The following HIRA variants were observed in gnomAD, a reference collection of about 807,000 sequenced individuals.
HIRA encodes histone cell cycle regulator.
A neutral mutation model predicts 126.6 loss-of-function variants in HIRA; 13 were observed. That is an observed-to-expected ratio of 0.10 (90% CI 0.07 to 0.16). The LOEUF (loss-of-function observed/expected upper bound fraction) is 0.16. HIRA is among the 10% of genes least tolerant of loss of function. The probability of loss-of-function intolerance (pLI) is 1.00; values close to 1 mark genes in which losing one functional copy is unlikely to be tolerated. For missense variants in HIRA, 834 were observed against 1,314.4 expected (o/e 0.63, Z 5.65); for synonymous variants, 511 against 520.0 (o/e 0.98, Z 0.24).
At chr22:19,344,742 A>G (rs2088667804) in intron 24 of HIRA, among the ~76,000 whole-genome samples, 1 of 152,344 alleles carries the variant, frequency 6.6e-6, no homozygotes, top group Non-Finnish European at 1.5e-5. Context: ...ACAAAATGCC[A>G]GCAAACAGAA....
chr22:19,353,237 T>C, intron 23 of HIRA, 119 bp downstream of exon 23: 2 of 1,243,672 alleles, frequency 1.6e-6, no homozygotes, highest in South Asian at 2.6e-5. Flanking sequence ...CAGCTCAGGC[T>C]GGGAGGTAGA....
At chr22:19,424,398 A>T (rs1249375681) in intron 1 of HIRA, among the ~76,000 whole-genome samples, 1 of 152,174 alleles carries the variant, frequency 6.6e-6, no homozygotes, top group Non-Finnish European at 1.5e-5. Context: ...GATACCCCAC[A>T]ACCAGAGAAC....
intron 24 of HIRA, among the ~76,000 whole-genome samples, chr22:19,334,692 G>A (rs1184547134): frequency 2.0e-5 from 3 of 151,988 alleles, no homozygotes; most frequent in African/African-American, 7.2e-5. Flanking sequence ...AAAGTGCTGG[G>A]ATTAAGGCAT....
intron 12 of HIRA, among the ~76,000 whole-genome samples, chr22:19,384,564 C>T (rs1433716904): frequency 2.6e-5 from 4 of 151,996 alleles, no homozygotes; most frequent in Admixed American, 6.5e-5. Flanking sequence ...CTGGCCGCCT[C>T]GCACAACAGC....
Position 19,384,406 on chromosome 22 carries a change from G to A in HIRA, c.1330-701C>T, listed in dbSNP as rs911389660. Among the ~76,000 whole-genome samples, 4 of 150,776 alleles carry A rather than the reference G, an allele frequency of 2.7e-5. No homozygotes were observed. In the East Asian group the frequency reaches 7.8e-4, roughly 29 times the overall value. On this transcript the variant is annotated intron_variant, in intron 12 of 24. Coordinates refer to ENST00000263208, the MANE Select transcript of HIRA (RefSeq NM_003325.4). ...CTTATCATTAATTTGTACACACTAA[G>A]TATGTATAACTTTTTATATGTCAAT...
At chr22:19,360,721 G>A (rs1601817062) in intron 17 of HIRA, among the ~76,000 whole-genome samples, 1 of 152,224 alleles carries the variant, frequency 6.6e-6, no homozygotes, top group East Asian at 1.9e-4. Flanking sequence ...AGGGCTCTGG[G>A]TATAAAGGAT....
chr22:19,340,237 G>A (rs1381950241), intron 24 of HIRA, among the ~76,000 whole-genome samples: 4 of 151,912 alleles, frequency 2.6e-5, no homozygotes, highest in Non-Finnish European at 5.9e-5. Context: ...CAATAAATGA[G>A]ATACATCACA....
chr22:19,383,643 G>C lies in HIRA; in HGVS notation c.1392C>G (p.Leu464=). Residue 464 remains leucine (L), a synonymous_variant, in exon 13 of 25, where the codon CTC becomes CTG. Transcript: ENST00000263208. The part of the protein sequence containing the change: ...TADGRRRITP[L]CIAQLDTGDF... The stretch of plus-strand genomic sequence containing the variant: ...ACCCAGTGTCCAGCTGTGCTATGCA[G>C]AGAGGCGTGATTCTTCTCCGGCCAT... The C allele has an allele frequency of 6.2e-7, 1 of 1,614,006 alleles. No homozygotes were observed. Among genetic ancestry groups the C allele is most frequent in the South Asian group, 1.1e-5 (1 of 91,084 alleles).
At chr22:19,344,866 A>G (rs1556008461) in intron 24 of HIRA, among the ~76,000 whole-genome samples, 1 of 152,236 alleles carries the variant, frequency 6.6e-6, no homozygotes, top group East Asian at 1.9e-4. Context: ...CATTAATGAA[A>G]TAAAAGAAAA....
At chr22:19,379,824 T>C (rs1159066160) in intron 13 of HIRA, among the ~76,000 whole-genome samples, 1 of 152,120 alleles carries the variant, frequency 6.6e-6, no homozygotes, top group Non-Finnish European at 1.5e-5. Flanking sequence ...TGGCCTTTTT[T>C]TTTGAGACGA....
intron 7 of HIRA, 83 bp from the exon 8 acceptor site, chr22:19,394,592 C>T (rs1569305837): frequency 1.5e-6 from 2 of 1,377,686 alleles, no homozygotes; most frequent in East Asian, 2.3e-5. Context: ...AGTTAAACTT[C>T]AATTTATAAA....
At position 19,351,786 on chromosome 22, in the gene HIRA, A is replaced by T. The variant is rs2088760551; in HGVS notation, c.2849-340T>A. Among the ~76,000 whole-genome samples, 1 of 152,084 alleles carries T rather than the reference A, an allele frequency of 6.6e-6. No homozygotes were observed. Among genetic ancestry groups the T allele is most frequent in the Non-Finnish European group, 1.5e-5 (1 of 68,022 alleles). Reference sequence around the variant, plus strand: ...ATATGGGAAATTGTGGGCTGGTGAGATCTGTCTTTGAGAAGATGCGCTGGC... The same window carrying T: ...ATATGGGAAATTGTGGGCTGGTGAGTTCTGTCTTTGAGAAGATGCGCTGGC... On this transcript the variant is annotated intron_variant, in intron 23 of 24. Coordinates refer to ENST00000263208, the MANE Select transcript of HIRA (RefSeq NM_003325.4). The surrounding 1 kb of genome is among the most constrained non-coding windows in gnomAD (Gnocchi z 4.8).
rs1394410252 is a variant in HIRA at position 19,351,682 on chromosome 22, T to C, written c.2849-236A>G. Among the ~76,000 whole-genome samples the C allele has an allele frequency of 6.6e-6, 1 of 152,178 alleles. No individual in the cohort carries two copies. Among genetic ancestry groups the C allele is most frequent in the Non-Finnish European group, 1.5e-5 (1 of 68,026 alleles). ...TTGCTCACTCCCCTGACATCTGTAG[T>C]GCCTCCTCTGTGTGTTGGGCCCAGA... On this transcript the variant is annotated intron_variant, in intron 23 of 24. Transcript: ENST00000263208. The surrounding 1 kb of genome is among the most constrained non-coding windows in gnomAD (Gnocchi z 4.8).
At chr22:19,402,733 T>G (rs1165032165) in intron 5 of HIRA, among the ~76,000 whole-genome samples, 2 of 152,204 alleles carry the variant, frequency 1.3e-5, no homozygotes, top group East Asian at 3.8e-4. Context: ...TTTCTTGATA[T>G]AAACCGCAAC....
chr22:19,367,298 G>A (rs745637992), intron 15 of HIRA, among the ~76,000 whole-genome samples: 4 of 151,926 alleles, frequency 2.6e-5, no homozygotes, highest in Non-Finnish European at 5.9e-5. Flanking sequence ...CAAAATCCAA[G>A]GATGCTCAAG....
Position 19,351,118 on chromosome 22 carries a change from G to T in HIRA, c.2937+240C>A. On this transcript the variant is annotated intron_variant, in intron 24 of 24. Coordinates refer to ENST00000263208, the MANE Select transcript of HIRA (RefSeq NM_003325.4). The surrounding 1 kb of genome is among the most constrained non-coding windows in gnomAD (Gnocchi z 4.8). ...ACCAAGCCCAGAGCCCCTGCAGGCA[G>T]CCTCCCTCAGCACAGGCACGTGGCG... The T allele has an allele frequency of 1.0e-6, 1 of 985,186 alleles. No homozygotes were observed. The highest frequency in any genetic ancestry group is 1.2e-6 in the Non-Finnish European group (1 of 829,794). 61.0% of individuals were successfully genotyped at this position (985,186 alleles called of 1,614,324 possible). A position where few individuals can be genotyped will look rare whatever the true frequency, so the allele number is the denominator to read the frequency against.
chr22:19,350,017 T>G (rs1246402867), intron 24 of HIRA, among the ~76,000 whole-genome samples: 1 of 151,852 alleles, frequency 6.6e-6, no homozygotes, highest in Non-Finnish European at 1.5e-5. Context: ...AGACGGAGTC[T>G]CGCTCTATTG....
chr22:19,396,394 T>G (rs1378388325), intron 7 of HIRA, among the ~76,000 whole-genome samples: 1 of 152,138 alleles, frequency 6.6e-6, no homozygotes, highest in African/African-American at 2.4e-5. Flanking sequence ...TGGGCACCTG[T>G]AATCCCAGCT....
At chr22:19,348,719 A>T (rs1033315985) in intron 24 of HIRA, among the ~76,000 whole-genome samples, 2 of 151,822 alleles carry the variant, frequency 1.3e-5, no homozygotes, top group Non-Finnish European at 2.9e-5. Flanking sequence ...CTGGTCTCAA[A>T]CTCCTGACCT....
Sources: gnomAD v4.1 joint callset for allele counts (sites outside exome capture counted in the v4.1 genomes callset) on GRCh38, gnomAD v4.1.1 for gene constraint, Gnocchi (gnomAD v3.1) non-coding constraint, MANE v1.5 for transcripts, NCBI Gene and HGNC (gene_info 2026-07-23, HGNC 2026-07-21) for gene names.